ADARB1: variants seen among roughly 807,000 people sequenced by gnomAD.
The protein encoded by ADARB1 is double-stranded RNA-specific editase 1.
A neutral mutation model predicts 52.4 loss-of-function variants in ADARB1; 10 were observed. The observed-to-expected ratio is 0.19, with a 90% CI of 0.12 to 0.32. The LOEUF (loss-of-function observed/expected upper bound fraction) is 0.32, where lower values mean the gene tolerates loss of function less well. ADARB1 is among the 10% of genes least tolerant of loss of function. The pLI is 1.00. For synonymous variants in ADARB1, 349 were observed against 371.1 expected, an observed-to-expected ratio of 0.94 and a Z score of 0.68; for missense variants, 643 against 922.3, an observed-to-expected ratio of 0.70 and a Z score of 3.92.
intron 1 of ADARB1, among the ~76,000 whole-genome samples, chr21:45,077,904 C>T (rs1032573701): frequency 6.6e-6 from 1 of 152,160 alleles, no homozygotes; most frequent in African/African-American, 2.4e-5. Context: ...TCCAAGTTGA[C>T]AGCTTTTTAT....
intron 2 of ADARB1, among the ~76,000 whole-genome samples, chr21:45,154,209 G>T (rs2090442071): frequency 6.6e-6 from 1 of 152,186 alleles, no homozygotes; most frequent in Admixed American, 6.5e-5. Flanking sequence ...AATTGAGAGG[G>T]TTATAAGATG....
intron 8 of ADARB1, among the ~76,000 whole-genome samples, chr21:45,185,312 AT>A (rs1340047174): frequency 6.6e-6 from 1 of 152,232 alleles, no homozygotes; most frequent in Non-Finnish European, 1.5e-5. Flanking sequence ...CGCTTCTAAC[AT>A]TCCTATCCAA....
intron 1 of ADARB1, among the ~76,000 whole-genome samples, chr21:45,090,793 T>C (rs3788157): frequency 0.15 from 23,408 of 152,250 alleles, 2,230 homozygotes; most frequent in Non-Finnish European, 0.21. Flanking sequence ...TATTTTCACG[T>C]CATCCTTGTT....
chr21:45,132,524 C>T (rs1270733524), intron 2 of ADARB1, among the ~76,000 whole-genome samples: 1 of 152,104 alleles, frequency 6.6e-6, no homozygotes, highest in African/African-American at 2.4e-5. Flanking sequence ...TTTCTGGGCC[C>T]CCATAAGTTA....
rs139353181 is a variant in ADARB1 at position 45,220,026 on chromosome 21, A to G, written c.1748-810A>G. The stretch of plus-strand genomic sequence containing the variant: ...TTTTTTTGGATTATGCATTTTCTTC[A>G]GGATTGTCTTTGTAAAAGCTATTTT... On this transcript the variant is annotated intron_variant, in intron 9 of 10. Transcript: ENST00000348831. The surrounding 1 kb of genome is among the most constrained non-coding windows in gnomAD (Gnocchi z 6.3). 1.5e-5 allele frequency among the ~76,000 whole-genome samples: 2 copies of G among 129,414 alleles called. No homozygotes were observed. Among genetic ancestry groups the G allele is most frequent in the Non-Finnish European group, 3.2e-5 (2 of 61,942 alleles). 84.9% of individuals were successfully genotyped at this position (129,414 alleles called of 152,430 possible). A position where few individuals can be genotyped will look rare whatever the true frequency, so the allele number is the denominator to read the frequency against.
At chr21:45,165,049 G>A (rs1350536597) in intron 2 of ADARB1, among the ~76,000 whole-genome samples, 1 of 152,066 alleles carries the variant, frequency 6.6e-6, no homozygotes, top group Non-Finnish European at 1.5e-5. Flanking sequence ...CTTACTTGAG[G>A]CCCCCTGGAG....
At chr21:45,134,639 C>T in intron 2 of ADARB1, 2 of 417,632 alleles carry the variant, frequency 4.8e-6, no homozygotes, top group South Asian at 1.7e-5. Context: ...TCCTACAGAT[C>T]CCTATGGACA....
chr21:45,205,413 C>G (rs1483546579), intron 9 of ADARB1, among the ~76,000 whole-genome samples: 1 of 152,248 alleles, frequency 6.6e-6, no homozygotes, highest in African/African-American at 2.4e-5. Context: ...ATTATGTCAG[C>G]ATTGGCTTTC....
At position 45,223,976 on chromosome 21, in the gene ADARB1, T is replaced by C; in HGVS notation, c.*1779T>C. ...CCCTGAAGCAGTCACAGCAGGCGTC[T>C]CTGCCGCTCCGTCACCACAGTGGGG... On this transcript the variant is annotated 3_prime_UTR_variant, in exon 11 of 11. Transcript: ENST00000348831. The C allele has an allele frequency of 1.0e-6, 1 of 985,410 alleles. No homozygotes were observed. The highest frequency in any genetic ancestry group is 4.7e-5 in the South Asian group (1 of 21,278). 61.0% of individuals were successfully genotyped at this position (985,410 alleles called of 1,614,324 possible).
intron 1 of ADARB1, among the ~76,000 whole-genome samples, chr21:45,102,506 C>A (rs1477083236): frequency 1.3e-5 from 2 of 152,166 alleles, no homozygotes; most frequent in African/African-American, 4.8e-5. Flanking sequence ...GATTCTAGGA[C>A]TGGGCAGGAA....
chr21:45,158,684 C>G (rs775448193), intron 2 of ADARB1, among the ~76,000 whole-genome samples: 4 of 152,178 alleles, frequency 2.6e-5, no homozygotes, highest in Admixed American at 6.5e-5. Flanking sequence ...CCTCACATCC[C>G]CACACCCCGC....
At chr21:45,093,840 C>G (rs1250617490) in intron 1 of ADARB1, among the ~76,000 whole-genome samples, 1 of 152,154 alleles carries the variant, frequency 6.6e-6, no homozygotes, top group African/African-American at 2.4e-5. Flanking sequence ...CTCTCATCTG[C>G]CCTTTTAAGT....
chr21:45,198,847 T>C (rs2092486875), intron 8 of ADARB1, among the ~76,000 whole-genome samples: 1 of 152,242 alleles, frequency 6.6e-6, no homozygotes, highest in African/African-American at 2.4e-5. Flanking sequence ...CCAAATTCTA[T>C]TTTATATTTT....
At chr21:45,216,001 T>C (rs972050983) in intron 9 of ADARB1, among the ~76,000 whole-genome samples, 2 of 152,192 alleles carry the variant, frequency 1.3e-5, no homozygotes, top group Non-Finnish European at 1.5e-5. Flanking sequence ...CTATAATAGA[T>C]TTAGGGCTAT....
chr21:45,133,237 A>G (rs1225877331), intron 2 of ADARB1, among the ~76,000 whole-genome samples: 1 of 152,248 alleles, frequency 6.6e-6, no homozygotes, highest in Non-Finnish European at 1.5e-5. Flanking sequence ...GGTCCTCTTC[A>G]GGCCCACTGG....
chr21:45,209,308 A>G (rs1187574587), intron 9 of ADARB1, among the ~76,000 whole-genome samples: 2 of 152,246 alleles, frequency 1.3e-5, no homozygotes, highest in Non-Finnish European at 2.9e-5. Flanking sequence ...TGAAGCCGTA[A>G]GAGCTCCTGG....
intron 2 of ADARB1, among the ~76,000 whole-genome samples, chr21:45,131,214 T>C (rs1251167804): frequency 6.6e-6 from 1 of 152,190 alleles, no homozygotes; most frequent in Non-Finnish European, 1.5e-5. Context: ...CTCGGATCAC[T>C]GAGTGGTGTG....
intron 2 of ADARB1, among the ~76,000 whole-genome samples, chr21:45,167,350 C>T (rs9984838): frequency 0.016 from 2,372 of 152,178 alleles, 58 homozygotes; most frequent in African/African-American, 0.054. Context: ...TTTCCTGGTC[C>T]CAGAAATCTG....
intron 1 of ADARB1, among the ~76,000 whole-genome samples, chr21:45,106,246 A>G (rs914576364): frequency 9.4e-5 from 14 of 149,522 alleles, no homozygotes; most frequent in African/African-American, 3.0e-4. Flanking sequence ...TGCTGAGTTT[A>G]AAGCCTTTTT....
Sources: allele counts gnomAD v4.1 joint callset (sites outside exome capture counted in the v4.1 genomes callset), GRCh38; gene constraint gnomAD v4.1.1; non-coding constraint Gnocchi (gnomAD v3.1); transcripts MANE v1.5; gene names NCBI Gene and HGNC (gene_info 2026-07-23, HGNC 2026-07-21).